The following RUNX1T1 variants were observed in gnomAD, a reference collection of about 807,000 sequenced individuals.
RUNX1T1 encodes protein CBFA2T1.
A neutral mutation model predicts 62.8 loss-of-function variants in RUNX1T1; 4 were observed. That is an observed-to-expected ratio of 0.06 (90% CI 0.03 to 0.15). RUNX1T1 has a LOEUF of 0.15. RUNX1T1 is among the 10% of genes least tolerant of loss of function. The pLI, the probability that RUNX1T1 is intolerant of heterozygous loss-of-function variation, is 1.00. For missense variants in RUNX1T1, 508 were observed against 754.3 expected, an observed-to-expected ratio of 0.67 and a Z score of 3.82; for synonymous variants, 291 against 286.0, an observed-to-expected ratio of 1.02 and a Z score of -0.18.
At chr8:92,044,261 A>C (rs1745455852) in intron 1 of RUNX1T1, among the ~76,000 whole-genome samples, 1 of 152,234 alleles carries the variant, frequency 6.6e-6, no homozygotes, top group Non-Finnish European at 1.5e-5. Flanking sequence ...GAAGACAGGC[A>C]GCAGGAAAGA....
intron 8 of RUNX1T1, among the ~76,000 whole-genome samples, chr8:91,985,089 C>A (rs957250470): frequency 1.8e-4 from 27 of 152,228 alleles, no homozygotes; most frequent in East Asian, 3.9e-4. Flanking sequence ...GATAATCAGC[C>A]ATGGTACTAA....
chr8:92,059,346 A>C (rs1410925680), intron 1 of RUNX1T1, among the ~76,000 whole-genome samples: 1 of 152,188 alleles, frequency 6.6e-6, no homozygotes, highest in Non-Finnish European at 1.5e-5. Flanking sequence ...TGCATTATCC[A>C]AATGTTCAGT....
downstream of RUNX1T1, chr8:91,957,937 C>A (rs1809613162): frequency 4.5e-6 from 1 of 221,444 alleles, no homozygotes; most frequent in African/African-American, 2.2e-5. Flanking sequence ...AATAACACCA[C>A]CCAAACAAAA....
intron 8 of RUNX1T1, 188 bp from the exon 10 acceptor site, chr8:91,976,161 A>C (rs1813897220): frequency 3.7e-6 from 2 of 541,362 alleles, no homozygotes; most frequent in Non-Finnish European, 3.3e-6. Context: ...TCAGAGCCCA[A>C]GGAAAACAGA....
rs141263945 is a variant in RUNX1T1 at position 91,981,907 on chromosome 8, G to C, written c.1198+4217C>G. ...ACAGGGAAAGTGCATTTATATTTCAGAGTTTATGTCCAGCCCCTGACATTA... is the reference window on the plus strand; with the variant it reads ...ACAGGGAAAGTGCATTTATATTTCACAGTTTATGTCCAGCCCCTGACATTA... On this transcript the variant is annotated intron_variant, in intron 8 of 10. Coordinates refer to ENST00000396218, the Ensembl canonical transcript of RUNX1T1. Among the ~76,000 whole-genome samples, 3 of 152,050 alleles carry C rather than the reference G, an allele frequency of 2.0e-5. No homozygotes were observed. The East Asian group carries it at 5.8e-4, about 29-fold the overall frequency.
At chr8:91,970,936 T>A in intron 9 of RUNX1T1, 88 bp from the exon 11 acceptor site, 1 of 1,194,126 alleles carries the variant, frequency 8.4e-7, no homozygotes, top group Non-Finnish European at 1.1e-6. Flanking sequence ...TTTTAATTTT[T>A]TTTTTCTTTC....
At chr8:91,973,469 G>C (rs1382716786) in intron 9 of RUNX1T1, among the ~76,000 whole-genome samples, 1 of 151,938 alleles carries the variant, frequency 6.6e-6, no homozygotes, top group Non-Finnish European at 1.5e-5. Flanking sequence ...ACAATTTTCT[G>C]TGAAAGTGGA....
At chr8:92,068,105 G>GT (rs200984828) in intron 2 of RUNX1T1, among the ~76,000 whole-genome samples, 1,552 of 151,476 alleles carry the variant, frequency 0.01, 18 homozygotes, top group African/African-American at 0.033. Context: ...GTTAACTGCT[G>GT]TTTTTTTTCA....
chr8:92,037,730 G>T (rs1380514832), intron 1 of RUNX1T1, among the ~76,000 whole-genome samples: 2 of 152,058 alleles, frequency 1.3e-5, no homozygotes, highest in Non-Finnish European at 2.9e-5. Flanking sequence ...AAGCAGAGGA[G>T]TATAATCTGT....
intron 3 of RUNX1T1, among the ~76,000 whole-genome samples, chr8:92,012,571 T>A (rs1822165794): frequency 6.6e-6 from 1 of 151,980 alleles, no homozygotes; most frequent in Non-Finnish European, 1.5e-5. Flanking sequence ...AAAAAAATGT[T>A]TAAAAGAAAA....
At chr8:92,080,698 A>AT (rs1449902808) in intron 1 of RUNX1T1, among the ~76,000 whole-genome samples, 1 of 152,240 alleles carries the variant, frequency 6.6e-6, no homozygotes. Context: ...TTATTCAACA[A>AT]TGCCCATACC....
chr8:92,097,369 G>A (rs890390205), intron 1 of RUNX1T1, among the ~76,000 whole-genome samples: 10 of 152,250 alleles, frequency 6.6e-5, no homozygotes, highest in African/African-American at 2.4e-4. Flanking sequence ...GATTTCTAGC[G>A]TATCACTTTA....
chr8:92,073,490 G>T (rs767285443), intron 2 of RUNX1T1, among the ~76,000 whole-genome samples: 1 of 152,094 alleles, frequency 6.6e-6, no homozygotes, highest in Non-Finnish European at 1.5e-5. Context: ...TCACAATGCC[G>T]ACTGTTCAGC....
chr8:92,023,600 C>T (rs897640359), intron 1 of RUNX1T1, among the ~76,000 whole-genome samples: 1 of 152,170 alleles, frequency 6.6e-6, no homozygotes, highest in Non-Finnish European at 1.5e-5. Flanking sequence ...CCAATTCTCC[C>T]TCTTTAGTTG....
intron 1 of RUNX1T1, among the ~76,000 whole-genome samples, chr8:92,092,773 C>G (rs1015513064): frequency 2.0e-5 from 3 of 152,136 alleles, no homozygotes; most frequent in Non-Finnish European, 4.4e-5. Context: ...TAATTGCATA[C>G]TACCATTTAT....
chr8:92,074,599 T>C (rs1290406523), intron 2 of RUNX1T1, among the ~76,000 whole-genome samples: 2 of 152,180 alleles, frequency 1.3e-5, no homozygotes, highest in African/African-American at 2.4e-5. Flanking sequence ...GGATGGTTAT[T>C]ATTATTAGAT....
At chr8:92,014,504 G>T in intron 3 of RUNX1T1, 75 bp downstream of exon 4, 2 of 1,306,964 alleles carry the variant, frequency 1.5e-6, no homozygotes, top group African/African-American at 3.0e-5. Flanking sequence ...TGCGAGAACG[G>T]TGTCTACATG....
intron 5 of RUNX1T1, among the ~76,000 whole-genome samples, chr8:92,001,391 C>T (rs1396616618): frequency 1.3e-5 from 2 of 152,076 alleles, no homozygotes; most frequent in African/African-American, 2.4e-5. Flanking sequence ...AGAATGGGGC[C>T]TGGTGTATCT....
At chr8:91,986,284 T>C (rs1816550881) in exon 8 of RUNX1T1, 1 of 1,613,952 alleles carries the variant, frequency 6.2e-7, no homozygotes, top group African/African-American at 1.3e-5. Flanking sequence ...CGGTGAGAGA[T>C]CGCCTTGTTT....
Sources: gnomAD v4.1 joint callset for allele counts (sites outside exome capture counted in the v4.1 genomes callset) on GRCh38, gnomAD v4.1.1 for gene constraint, MANE v1.5 for transcripts, NCBI Gene and HGNC (gene_info 2026-07-23, HGNC 2026-07-21) for gene names.